Variants in DNAH17 observed in about 807,000 individuals in gnomAD.
The protein encoded by DNAH17 is axonemal beta dynein heavy chain 17.
In DNAH17, 376 loss-of-function variants were observed where a neutral mutation model predicts 485.6. The ratio of observed to expected loss-of-function variants is 0.77; its 90% CI spans 0.71 to 0.84. The LOEUF (loss-of-function observed/expected upper bound fraction) is 0.84, where lower values mean the gene tolerates loss of function less well. Ranked by LOEUF, DNAH17 falls within the 40% of genes least tolerant of loss-of-function variation. DNAH17 has a pLI of 0.00. For missense variants in DNAH17, 6,370 were observed against 5,839.3 expected (o/e 1.09, Z -2.96); for synonymous variants, 3,031 against 2,405.9 (o/e 1.26, Z -7.60).
At chr17:78,424,189 G>A in intron 80 of DNAH17, 36 bp from the exon 81 acceptor site, 1 of 1,577,746 alleles carries the variant, frequency 6.3e-7, no homozygotes, top group Non-Finnish European at 8.6e-7. Flanking sequence ...CAGGTGTGCT[G>A]CCAGTAAGTG....
Position 78,454,597 on chromosome 17 carries a change from C to G in DNAH17, c.10279G>C (p.Glu3427Gln), listed in dbSNP as rs755585453. ...GTGTTGCCCAGGATGGTGGCATTCTCGGTGGACATGCGGTCGCTGGGGAGG... is the reference window on the plus strand; with the variant it reads ...GTGTTGCCCAGGATGGTGGCATTCTGGGTGGACATGCGGTCGCTGGGGAGG... ...QGLPSDRMST[E>Q]NATILGNTER... Residue 3427 changes from glutamate to glutamine, a missense_variant, in exon 64 of 81, where the codon GAG becomes CAG. Physicochemically the swap from Glu to Gln is conservative, Grantham distance 29. Transcript: ENST00000389840. The G allele has an allele frequency of 3.1e-6, 5 of 1,612,932 alleles. No homozygotes were observed. In the South Asian group the frequency reaches 5.5e-5, roughly 18 times the overall value.
intron 73 of DNAH17, 25 bp downstream of exon 73, chr17:78,439,065 C>T: frequency 1.2e-6 from 2 of 1,609,692 alleles, no homozygotes; most frequent in South Asian, 1.1e-5. Flanking sequence ...GGAGCCCTTA[C>T]CCTGCAGTGC....
chr17:78,560,967 T>C (rs1041838368), intron 12 of DNAH17, 32 bp from the exon 13 acceptor site: 1 of 1,526,266 alleles, frequency 6.6e-7, no homozygotes, highest in Non-Finnish European at 8.8e-7. Context: ...GAGGCCCCAC[T>C]GGATATCTCC....
chr17:78,461,131 C>T (rs551826976), intron 58 of DNAH17, among the ~76,000 whole-genome samples: 3 of 152,004 alleles, frequency 2.0e-5, no homozygotes, highest in African/African-American at 2.4e-5. Flanking sequence ...GGGGGGGGCC[C>T]GGAGCCGCAC....
Position 78,490,721 on chromosome 17 carries a change from G to C in DNAH17, c.6796C>G (p.Pro2266Ala), listed in dbSNP as rs762911286. ...VSRAGILYINPADLGWNPVVS... is the reference protein window; with the variant it reads ...VSRAGILYINAADLGWNPVVS... The stretch of plus-strand genomic sequence containing the variant: ...CACGGGTTCCATCCCAGGTCGGCTG[G>C]GTTGATGTAGAGGATGCCGGCTCTG... The change falls in exon 44 of 81, where the codon CCA becomes GCA. Residue 2266 changes from proline (P) to alanine (A), a missense_variant. Physicochemically the swap from Pro to Ala is conservative, Grantham distance 27 (BLOSUM62 -1). Transcript: ENST00000389840. 6.2e-7 allele frequency: 1 copy of C among 1,608,468 alleles called. No individual in the cohort carries two copies. The highest frequency in any genetic ancestry group is 1.1e-5 in the South Asian group (1 of 89,828).
chr17:78,471,122 T>C (rs1248639294), intron 54 of DNAH17, among the ~76,000 whole-genome samples: 1 of 152,208 alleles, frequency 6.6e-6, no homozygotes, highest in Non-Finnish European at 1.5e-5. Flanking sequence ...CTGTACTTAT[T>C]GAAGAGGCTT....
chr17:78,543,825 G>A (rs1282030895), intron 17 of DNAH17, 32 bp downstream of exon 17: 5 of 1,613,868 alleles, frequency 3.1e-6, no homozygotes, highest in East Asian at 2.2e-5. Context: ...AAGCAAGTGG[G>A]TTCTCAAAAA....
chr17:78,539,862 T>G lies in DNAH17; in HGVS notation c.2551A>C (p.Arg851=). 1.3e-6 allele frequency: 2 copies of G among 1,594,994 alleles called. No individual in the cohort carries two copies. Among genetic ancestry groups the G allele is most frequent in the African/African-American group, 1.4e-5 (1 of 73,952 alleles). ...CAGGGCAGGCTCAGTGTGTCTGCCC[T>G]GAATAGTTCTGCGTTTTCCTGCAAA... is the stretch of plus-strand genomic sequence containing the variant. ...AMVAENAELF[R]ADTLSLPWKD... The change falls in exon 18 of 81, where the codon AGG becomes CGG. Residue 851 remains arginine (R), a synonymous_variant. Transcript: ENST00000389840.
In DNAH17 at chr17:78,558,189, A is replaced by G. The variant is rs368749407; in HGVS notation, c.2097T>C (p.Ser699=). The change falls in exon 14 of 81, where the codon AGT becomes AGC. Residue 699 remains serine, a synonymous_variant. Coordinates refer to ENST00000389840, the MANE Select transcript of DNAH17 (RefSeq NM_173628.4). The part of the protein sequence containing the change: ...NFQQQKEIPD[S]AESLFSENET... ...CGTTCTCTGAGAACAGACTCTCCGC[A>G]CTGTCTGGAATCTCTTTCTGTTGCT... 6.2e-7 allele frequency: 1 copy of G among 1,613,726 alleles called. No individual in the cohort carries two copies. The highest frequency in any genetic ancestry group is 2.2e-5 in the East Asian group (1 of 44,894).
At chr17:78,445,098 G>T (rs980856076) in intron 70 of DNAH17, among the ~76,000 whole-genome samples, 1 of 152,104 alleles carries the variant, frequency 6.6e-6, no homozygotes, top group Non-Finnish European at 1.5e-5. Flanking sequence ...CTCAGGGGAC[G>T]ACCTTCTTCA....
At chr17:78,510,251 G>C in intron 27 of DNAH17, 133 bp downstream of exon 27, 1 of 1,289,674 alleles carries the variant, frequency 7.8e-7, no homozygotes, top group Non-Finnish European at 1.1e-6. Context: ...TCACAGGTTG[G>C]GTAAGAAAGG....
Position 78,505,302 on chromosome 17 carries a change from G to C in DNAH17, c.4947C>G (p.Leu1649=). Residue 1649 remains leucine (L), a synonymous_variant, in exon 31 of 81, where the codon CTC becomes CTG. Coordinates refer to ENST00000389840, the MANE Select transcript of DNAH17 (RefSeq NM_173628.4). ...GTGCGCACACACTCACCTGCCCCGA[G>C]AGGTCGCATTCCTGATCAAAAACCA... ...EYMVFDQECD[L]SGQVEVWLNR... is the part of the protein sequence containing the mutation. 6.2e-7 allele frequency: 1 copy of C among 1,613,922 alleles called. No homozygotes were observed. Among genetic ancestry groups the C allele is most frequent in the South Asian group, 1.1e-5 (1 of 91,072 alleles).
intron 54 of DNAH17, among the ~76,000 whole-genome samples, chr17:78,470,064 TTA>T (rs1474981532): frequency 5.9e-5 from 8 of 136,460 alleles, no homozygotes; most frequent in African/African-American, 2.0e-4. Context: ...TGAAAATGTC[TTA>T]CTCTTTTTTT....
chr17:78,428,812 G>C, intron 76 of DNAH17, 105 bp from the exon 77 acceptor site: 2 of 1,360,112 alleles, frequency 1.5e-6, no homozygotes, highest in African/African-American at 2.9e-5. Context: ...ACACCTTGCT[G>C]TCTGTACAGA....
intron 51 of DNAH17, among the ~76,000 whole-genome samples, chr17:78,477,211 T>C: frequency 6.6e-6 from 1 of 152,096 alleles, no homozygotes; most frequent in Non-Finnish European, 1.5e-5. Context: ...CCTGACGCTG[T>C]GGAGTTGACA....
At chr17:78,459,290 C>G (rs2087971314) in intron 60 of DNAH17, 82 bp from the exon 61 acceptor site, 23 of 1,329,616 alleles carry the variant, frequency 1.7e-5, no homozygotes, top group South Asian at 1.7e-4. Flanking sequence ...GTGTCTTGCC[C>G]AGGGTGGCAC....
At chr17:78,569,561 C>G in intron 7 of DNAH17, 34 bp from the exon 8 acceptor site, 2 of 1,583,358 alleles carry the variant, frequency 1.3e-6, no homozygotes, top group South Asian at 2.3e-5. Flanking sequence ...TCTAAAGCTC[C>G]GACAAGCCAT....
intron 64 of DNAH17, among the ~76,000 whole-genome samples, chr17:78,453,704 T>C (rs1184104773): frequency 6.6e-6 from 1 of 152,222 alleles, no homozygotes; most frequent in African/African-American, 2.4e-5. Context: ...GTTTTGCTTT[T>C]TGAGACAGGG....
chr17:78,567,097 G>C lies in DNAH17; in HGVS notation c.1354C>G (p.Leu452Val). 1 of 1,612,836 alleles carries C rather than the reference G, an allele frequency of 6.2e-7. No homozygotes were observed. ...ATACGGGTCACCAGGCTCCCGAGGA[G>C]GTTCCCACGCACGCCCCCAAGCTCG... ...KIELGGVRGN[L>V]LGSLVTRIYD... The change falls in exon 10 of 81, where the codon CTC becomes GTC. Residue 452 changes from leucine to valine, a missense_variant. Coordinates refer to ENST00000389840, the MANE Select transcript of DNAH17 (RefSeq NM_173628.4).
Sources: gnomAD v4.1 joint callset for allele counts (sites outside exome capture counted in the v4.1 genomes callset) on GRCh38, gnomAD v4.1.1 for gene constraint, MANE v1.5 for transcripts, NCBI Gene and HGNC (gene_info 2026-07-23, HGNC 2026-07-21) for gene names.